The following IKBKB variants were observed in gnomAD, a reference collection of about 807,000 sequenced individuals.
IKBKB encodes the protein inhibitor of nuclear factor kappa-B kinase subunit beta.
A neutral mutation model predicts 113.6 loss-of-function variants in IKBKB; 42 were observed. The observed-to-expected ratio is 0.37, with a 90% confidence interval of 0.29 to 0.48. The LOEUF is 0.48. Among genes scored for constraint, IKBKB ranks in the 20% least tolerant of loss-of-function variants. The pLI is 0.99. For synonymous variants in IKBKB, 296 were observed against 361.3 expected (o/e 0.82, Z 2.05); for missense variants, 673 against 939.7 (o/e 0.72, Z 3.71).
Position 42,293,492 on chromosome 8 carries a change from T to C in IKBKB, c.368T>C (p.Leu123Pro), listed in dbSNP as rs200759910. The change falls in exon 5 of 22, where the codon CTC (leucine) becomes CCC (proline). Residue 123 changes from leucine to proline, a missense_variant. Physicochemically the swap from Leu to Pro is moderately conservative, Grantham distance 98. Around this residue, in one of 2 missense-constraint regions of IKBKB, gnomAD observed 167 missense variants for 301.0 expected, o/e 0.55. Transcript: ENST00000520810. ...TGTGGTCTGCGGGAAGGTGCCATCC[T>C]CACCTTGCTGAGTGACATTGGTAAA... is the stretch of plus-strand genomic sequence containing the variant. ...NCCGLREGAI[L>P]TLLSDIASAL... 2.6e-5 allele frequency: 42 copies of C among 1,613,922 alleles called. No individual in the cohort carries two copies. The highest frequency in any genetic ancestry group is 3.6e-5 in the Non-Finnish European group (42 of 1,179,908).
At chr8:42,294,934 GT>G (rs1813410168) in intron 5 of IKBKB, among the ~76,000 whole-genome samples, 1 of 152,082 alleles carries the variant, frequency 6.6e-6, no homozygotes, top group Non-Finnish European at 1.5e-5. Flanking sequence ...GTTGAATTGG[GT>G]TGAAGGCAGG....
At chr8:42,314,924 C>G (rs1304048440) in intron 9 of IKBKB, among the ~76,000 whole-genome samples, 2 of 152,174 alleles carry the variant, frequency 1.3e-5, no homozygotes, top group African/African-American at 4.8e-5. Flanking sequence ...CCTTATCTCC[C>G]TAGAAATCAT....
Position 42,272,080 on chromosome 8 carries a change from T to C in IKBKB, c.-18-3T>C, listed in dbSNP as rs765069338. Reference sequence around the variant, plus strand: ...TTTTTTCCCCATCCCAAATTGCTTATAGAGTTAGCACGACATCAGTATGAG... The same window carrying C: ...TTTTTTCCCCATCCCAAATTGCTTACAGAGTTAGCACGACATCAGTATGAG... On this transcript the variant is annotated splice_region_variant and splice_polypyrimidine_tract_variant and intron_variant, in intron 1 of 21. Coordinates refer to ENST00000520810, the MANE Select transcript of IKBKB (RefSeq NM_001556.3). The C allele has an allele frequency of 1.9e-6, 3 of 1,611,750 alleles. No individual in the cohort carries two copies. Among genetic ancestry groups the C allele is most frequent in the South Asian group, 1.1e-5 (1 of 90,916 alleles).
In IKBKB at chr8:42,293,672, C is replaced by T. The variant is rs567795422; in HGVS notation, c.388+160C>T. On this transcript the variant is annotated intron_variant, in intron 5 of 21. Coordinates refer to ENST00000520810, the MANE Select transcript of IKBKB (RefSeq NM_001556.3). ...GGGGACCCTGGTGGAGTAGGGAGGT[C>T]AACAAGGAGTCAGCCAGACAGATGC... 7 of 1,207,544 alleles carry T rather than the reference C, an allele frequency of 5.8e-6. No homozygotes were observed. The South Asian group carries it at 9.9e-5, about 17-fold the overall frequency. 74.8% of individuals were successfully genotyped at this position (1,207,544 alleles called of 1,614,324 possible).
intron 8 of IKBKB, 108 bp from the exon 9 acceptor site, chr8:42,314,214 T>A: frequency 2.5e-6 from 2 of 809,890 alleles, no homozygotes; most frequent in South Asian, 2.8e-5. Flanking sequence ...ACCATCTAGG[T>A]TTGTGTTATG....
chr8:42,305,332 G>C, intron 6 of IKBKB, 57 bp downstream of exon 6: 3 of 1,040,156 alleles, frequency 2.9e-6, no homozygotes, highest in Non-Finnish European at 4.5e-6. Context: ...GAAGTGGCCT[G>C]GGAGGAAAGG....
chr8:42,316,928 C>A lies in IKBKB; in HGVS notation c.1125+24C>A. 6.2e-7 allele frequency: 1 copy of A among 1,606,902 alleles called. No individual in the cohort carries two copies. Among genetic ancestry groups the A allele is most frequent in the African/African-American group, 1.3e-5 (1 of 74,892 alleles). The stretch of plus-strand genomic sequence containing the variant: ...AGGTGAGCCCTGGCTTCGTACACAC[C>A]ATCCTGTTTACCTTGGCTGTGCCTC... On this transcript the variant is annotated intron_variant, in intron 11 of 21. Transcript: ENST00000520810. The surrounding 1 kb of genome is among the most constrained non-coding windows in gnomAD (Gnocchi z 4.5).
intron 2 of IKBKB, among the ~76,000 whole-genome samples, chr8:42,272,980 C>T (rs1333877940): frequency 1.4e-5 from 2 of 147,698 alleles, no homozygotes; most frequent in African/African-American, 2.5e-5. Flanking sequence ...AGCCTTGGTG[C>T]GTACCTGTAG....
intron 5 of IKBKB, among the ~76,000 whole-genome samples, chr8:42,296,143 T>TTA (rs1228685290): frequency 6.6e-6 from 1 of 152,232 alleles, no homozygotes; most frequent in Non-Finnish European, 1.5e-5. Flanking sequence ...GGGCACAAAC[T>TTA]TCAGTCACTG....
chr8:42,303,975 T>C (rs1815970816), intron 5 of IKBKB, among the ~76,000 whole-genome samples: 1 of 152,254 alleles, frequency 6.6e-6, no homozygotes, highest in South Asian at 2.1e-4. Context: ...TTTAATGTTA[T>C]TTGCACTGTT....
chr8:42,298,547 C>G (rs1814411417), intron 5 of IKBKB: 2 of 895,464 alleles, frequency 2.2e-6, no homozygotes, highest in Admixed American at 6.2e-5. Context: ...ATCCATCTGA[C>G]TGAAGTGTGG....
At chr8:42,320,368 G>C (rs1464418366) in intron 15 of IKBKB, 1 of 222,092 alleles carries the variant, frequency 4.5e-6, no homozygotes, top group Non-Finnish European at 9.1e-6. Flanking sequence ...GGTAGCATCA[G>C]GATAGACAGA....
chr8:42,279,611 G>A (rs1809919008), intron 2 of IKBKB, among the ~76,000 whole-genome samples: 1 of 152,130 alleles, frequency 6.6e-6, no homozygotes, highest in African/African-American at 2.4e-5. Flanking sequence ...CCATTTTATA[G>A]TTGAGGAGAC....
rs543666858 is a variant in IKBKB, at chr8:42,274,630, T to G, written c.105+2425T>G. 1.3e-4 allele frequency among the ~76,000 whole-genome samples: 19 copies of G among 151,920 alleles called. No individual in the cohort carries two copies. The South Asian group carries it at 2.9e-3, about 23-fold the overall frequency. On this transcript the variant is annotated intron_variant, in intron 2 of 21. Coordinates refer to ENST00000520810, the MANE Select transcript of IKBKB (RefSeq NM_001556.3). ...TCACTGCAACCTCTGCCTCCCAGGT[T>G]CAAGTGATTCTCCTGCCCCAGCCTC...
chr8:42,314,391 G>A lies in IKBKB; in HGVS notation c.762G>A (p.Lys254=). ...GCGAAGACTTGAATGGAACGGTGAA[G>A]TTTTCAAGCTCTTTACCCTACCCCA... ...VVSEDLNGTV[K]FSSSLPYPNN... is the part of the protein sequence containing the mutation. The change falls in exon 9 of 22, where the codon AAG becomes AAA. Residue 254 remains lysine, a synonymous_variant. Transcript: ENST00000520810. 1.9e-6 allele frequency: 3 copies of A among 1,613,324 alleles called. No homozygotes were observed. Among genetic ancestry groups the A allele is most frequent in the Non-Finnish European group, 2.5e-6 (3 of 1,179,210 alleles).
At position 42,319,399 on chromosome 8, in the gene IKBKB, C is replaced by T. The variant is rs377475488; in HGVS notation, c.1494C>T (p.Ser498=). 9 of 1,614,036 alleles carry T rather than the reference C, an allele frequency of 5.6e-6. No individual in the cohort carries two copies. Among genetic ancestry groups the T allele is most frequent in the African/African-American group, 2.7e-5 (2 of 74,912 alleles). The change falls in exon 14 of 22, where the codon AGC becomes AGT. Residue 498 remains serine (S), a synonymous_variant. Transcript: ENST00000520810. ...TSIQIDLEKY[S]EQTEFGITSD... is the part of the protein sequence containing the mutation. ...TCCAGATTGACCTGGAGAAGTACAGCGAGCAAACCGAGTTTGGGATCAGTG... is the reference window on the plus strand; with the variant it reads ...TCCAGATTGACCTGGAGAAGTACAGTGAGCAAACCGAGTTTGGGATCAGTG...
rs1217733393 is a variant in IKBKB at position 42,277,216 on chromosome 8, T to C, written c.105+5011T>C. On this transcript the variant is annotated intron_variant, in intron 2 of 21. Coordinates refer to ENST00000520810, the MANE Select transcript of IKBKB (RefSeq NM_001556.3). ...TTTTTTTTTTGCAACGGAGTCACGCTCTGTTGCCCAGGCTGGAGTGCAGTG... is the reference window on the plus strand; with the variant it reads ...TTTTTTTTTTGCAACGGAGTCACGCCCTGTTGCCCAGGCTGGAGTGCAGTG... Among the ~76,000 whole-genome samples, 8 of 138,892 alleles carry C rather than the reference T, an allele frequency of 5.8e-5. No individual in the cohort carries two copies. The East Asian group carries it at 1.7e-3, about 29-fold the overall frequency. 91.1% of individuals were successfully genotyped at this position (138,892 alleles called of 152,430 possible). A position where few individuals can be genotyped will look rare whatever the true frequency, so the allele number is the denominator to read the frequency against.
intron 2 of IKBKB, among the ~76,000 whole-genome samples, chr8:42,285,287 T>C (rs1237228635): frequency 6.6e-6 from 1 of 152,162 alleles, no homozygotes; most frequent in Non-Finnish European, 1.5e-5. Context: ...GGCTTAGGCC[T>C]GTAATCCCAG....
At chr8:42,279,342 A>C (rs189470542) in intron 2 of IKBKB, among the ~76,000 whole-genome samples, 84 of 152,288 alleles carry the variant, frequency 5.5e-4, no homozygotes, top group Non-Finnish European at 9.7e-4. Context: ...TGATGGTTTT[A>C]CTCCACGTAA....
Sources: gnomAD v4.1 joint callset for allele counts (sites outside exome capture counted in the v4.1 genomes callset) on GRCh38, gnomAD v4.1.1 for gene constraint, gnomAD v4.1.1 regional missense constraint, Gnocchi (gnomAD v3.1) non-coding constraint, MANE v1.5 for transcripts, NCBI Gene and HGNC (gene_info 2026-07-23, HGNC 2026-07-21) for gene names.